Variants in OTOP3 observed in about 807,000 individuals in gnomAD.
OTOP3 encodes the protein proton channel OTOP3.
Under a neutral mutation model 50.8 loss-of-function variants are expected in OTOP3, and 41 were observed. That is an observed-to-expected ratio of 0.81 (90% CI 0.63 to 1.05). OTOP3 has a LOEUF of 1.05. OTOP3 is among the 50% of genes least tolerant of loss of function. The probability of loss-of-function intolerance (pLI) is 0.00; values close to 1 mark genes in which losing one functional copy is unlikely to be tolerated. For synonymous variants in OTOP3, 320 were observed against 324.4 expected (o/e 0.99, Z 0.14); for missense variants, 788 against 760.8 (o/e 1.04, Z -0.42).
intron 3 of OTOP3, 90 bp downstream of exon 3, chr17:74,942,127 C>G: frequency 1.4e-6 from 2 of 1,460,030 alleles, no homozygotes; most frequent in East Asian, 2.3e-5. Context: ...TGCCTAGGAA[C>G]AGCCACACAG....
chr17:74,942,557 G>A (rs1251633578), intron 3 of OTOP3, among the ~76,000 whole-genome samples: 1 of 150,696 alleles, frequency 6.6e-6, no homozygotes, highest in African/African-American at 2.4e-5. Context: ...CTTGAACCCA[G>A]GAGGCAGAGG....
intron 1 of OTOP3, among the ~76,000 whole-genome samples, chr17:74,938,500 G>A (rs1007626276): frequency 8.5e-5 from 13 of 152,288 alleles, no homozygotes; most frequent in African/African-American, 2.9e-4. Flanking sequence ...AGGGGCAAAA[G>A]GGGTAGGCAT....
At chr17:74,945,078 G>T (rs1421031880) in intron 5 of OTOP3, among the ~76,000 whole-genome samples, 1 of 152,050 alleles carries the variant, frequency 6.6e-6, no homozygotes, top group Non-Finnish European at 1.5e-5. Context: ...CTCCTGAGTA[G>T]CTGGGACTAC....
At chr17:74,936,012 C>A (rs1037879585) in intron 1 of OTOP3, 72 bp downstream of exon 1, 13 of 1,530,548 alleles carry the variant, frequency 8.5e-6, no homozygotes, top group Admixed American at 7.9e-5. Context: ...ACCCACCCCC[C>A]CAAAAGGGGG....
At position 74,943,759 on chromosome 17, in the gene OTOP3, A is replaced by AACACACAC. The variant is rs35254855; in HGVS notation, c.751+63_751+70dup. On this transcript the variant is annotated intron_variant, in intron 5 of 6. Transcript: ENST00000328801. ...GGAGACCAGGTCTTCCTTGCCCTGAAACACACACACACACACACACACACA... is the reference window on the plus strand; with the variant it reads ...GGAGACCAGGTCTTCCTTGCCCTGAAACACACACACACACACACACACACACACACACA... The AACACACAC allele has an allele frequency of 3.8e-4, 373 of 982,616 alleles. 1 individual carries two copies. Among genetic ancestry groups the AACACACAC allele is most frequent in the African/African-American group, 3.6e-3 (209 of 58,580 alleles). The allele number at this position is 982,616 out of a possible 1,614,324, so 60.9% of individuals were successfully genotyped here. A position where few individuals can be genotyped will look rare whatever the true frequency, so the allele number is the denominator to read the frequency against.
rs575880044 is a variant in OTOP3, at chr17:74,937,154, A to T, written c.19+1214A>T. Reference sequence around the variant, plus strand: ...ATTGTTTGGTATTTTTTGTAGAGACAGGGTTTTGCCATGTTCCCCAGGCTG... The same window carrying T: ...ATTGTTTGGTATTTTTTGTAGAGACTGGGTTTTGCCATGTTCCCCAGGCTG... On this transcript the variant is annotated intron_variant, in intron 1 of 6. Coordinates refer to ENST00000328801, the MANE Select transcript of OTOP3 (RefSeq NM_001272005.2). Among the ~76,000 whole-genome samples, 8 of 152,036 alleles carry T rather than the reference A, an allele frequency of 5.3e-5. 1 individual carries two copies. Among genetic ancestry groups the T allele is most frequent in the African/African-American group, 1.9e-4 (8 of 41,476 alleles).
rs1189579556 is a variant in OTOP3, at chr17:74,947,050, C to G, written c.1141C>G (p.Leu381Val). The change falls in exon 6 of 7, where the codon CTG becomes GTG. Residue 381 changes from leucine (L) to valine (V), a missense_variant. Transcript: ENST00000328801. Reference sequence around the variant, plus strand: ...CCTGGCGGGCACAGCCATACACGGGCTGGAGGAGAGAGAGCTGGACACGGT... The same window carrying G: ...CCTGGCGGGCACAGCCATACACGGGGTGGAGGAGAGAGAGCTGGACACGGT... ...ACLAGTAIHGLEERELDTVKN... is the reference protein window; with the variant it reads ...ACLAGTAIHGVEERELDTVKN... 6.2e-7 allele frequency: 1 copy of G among 1,614,082 alleles called. No individual in the cohort carries two copies. Among genetic ancestry groups the G allele is most frequent in the Non-Finnish European group, 8.5e-7 (1 of 1,180,048 alleles).
chr17:74,935,859 G>T (rs1448141202), upstream of OTOP3: 2 of 1,534,812 alleles, frequency 1.3e-6, no homozygotes, highest in Non-Finnish European at 1.8e-6. Flanking sequence ...GGCGTCGCGG[G>T]CATCGGTCTC....
chr17:74,942,978 T>C (rs1044101816), intron 3 of OTOP3, among the ~76,000 whole-genome samples: 1 of 152,160 alleles, frequency 6.6e-6, no homozygotes, highest in Admixed American at 6.5e-5. Flanking sequence ...TCCAGCTTCC[T>C]CTTAGGTTTC....
In OTOP3 at chr17:74,942,146, C is replaced by T. The variant is rs115765901; in HGVS notation, c.573+109C>T. On this transcript the variant is annotated intron_variant, in intron 3 of 6. Transcript: ENST00000328801. Reference sequence around the variant, plus strand: ...TAGGAACAGCCACACAGGCAAATACCTAATGTCCCAGGGTCTTTGCACACA... The same window carrying T: ...TAGGAACAGCCACACAGGCAAATACTTAATGTCCCAGGGTCTTTGCACACA... 2,085 of 1,374,350 alleles carry T rather than the reference C, an allele frequency of 1.5e-3. 35 individuals carry two copies. The African/African-American group carries it at 0.027, about 18-fold the overall frequency. 85.1% of individuals were successfully genotyped at this position (1,374,350 alleles called of 1,614,324 possible). A position where few individuals can be genotyped will look rare whatever the true frequency, so the allele number is the denominator to read the frequency against.
intron 5 of OTOP3, among the ~76,000 whole-genome samples, chr17:74,944,354 ACG>A (rs1393426609): frequency 6.6e-6 from 1 of 152,194 alleles, no homozygotes; most frequent in African/African-American, 2.4e-5. Context: ...TGCATCAGTC[ACG>A]ACACGCCTGT....
At position 74,949,722 on chromosome 17, in the gene OTOP3, C is replaced by T; in HGVS notation, c.*306C>T. 1 of 348,042 alleles carries T rather than the reference C, an allele frequency of 2.9e-6. No homozygotes were observed. The highest frequency in any genetic ancestry group is 5.3e-6 in the Non-Finnish European group (1 of 189,828). 21.6% of individuals were successfully genotyped at this position (348,042 alleles called of 1,614,324 possible). On this transcript the variant is annotated 3_prime_UTR_variant, in exon 7 of 7. Coordinates refer to ENST00000328801, the MANE Select transcript of OTOP3 (RefSeq NM_001272005.2). ...GCTGGCAGGGGCCCCCTCACGGCTA[C>T]TCTGTGGGAGGGTCAGACCTACATG...
At chr17:74,948,257 C>T (rs1405399843) in intron 6 of OTOP3, among the ~76,000 whole-genome samples, 3 of 152,146 alleles carry the variant, frequency 2.0e-5, no homozygotes, top group Admixed American at 6.5e-5. Flanking sequence ...GGCACAGTGG[C>T]TCACACCTGT....
Position 74,941,973 on chromosome 17 carries a change from T to G in OTOP3, c.509T>G (p.Ile170Ser). The G allele has an allele frequency of 6.2e-7, 1 of 1,613,730 alleles. No individual in the cohort carries two copies. Among genetic ancestry groups the G allele is most frequent in the Non-Finnish European group, 8.5e-7 (1 of 1,179,818 alleles). Residue 170 changes from isoleucine to serine, a missense_variant, in exon 3 of 7, where the codon ATC becomes AGC. Physicochemically the swap from Ile to Ser is moderately radical, Grantham distance 142. Coordinates refer to ENST00000328801, the MANE Select transcript of OTOP3 (RefSeq NM_001272005.2). ...IFRVGYDVSH[I>S]RCKSQLDLVF... ...CGAGTGGGCTACGATGTGAGCCACA[T>G]CCGCTGCAAGTCACAGCTGGACCTT...
rs761263942 is a variant in OTOP3 at position 74,941,465 on chromosome 17, G to T, written c.92G>T (p.Arg31Leu). ...GAAGCAGCCCCGGAGAAGGAGAACC[G>T]AGTGGATGTGGGGGCCGAGGAGAGA... Reference protein sequence around the residue: ...ETEAAPEKENRVDVGAEERAA... With the variant: ...ETEAAPEKENLVDVGAEERAA... Residue 31 changes from arginine (R) to leucine (L), a missense_variant, in exon 2 of 7, where the codon CGA becomes CTA. Transcript: ENST00000328801. The T allele has an allele frequency of 2.5e-6, 4 of 1,604,964 alleles. No homozygotes were observed. Among genetic ancestry groups the T allele is most frequent in the African/African-American group, 2.7e-5 (2 of 74,772 alleles).
rs1240886655 is a variant in OTOP3, at chr17:74,941,532, G to A, written c.159G>A (p.Arg53=). The A allele has an allele frequency of 1.2e-6, 2 of 1,613,900 alleles. No individual in the cohort carries two copies. The highest frequency in any genetic ancestry group is 2.2e-5 in the South Asian group (2 of 91,064). Reference sequence around the variant, plus strand: ...CCCGGCAGAAGTCCTGGCTGGTGAGGCATTTCTCTCTGCTGCTGCGGCGGG... The same window carrying A: ...CCCGGCAGAAGTCCTGGCTGGTGAGACATTTCTCTCTGCTGCTGCGGCGGG... ...TRPRQKSWLV[R]HFSLLLRRDR... Residue 53 remains arginine (R), a synonymous_variant, in exon 2 of 7, where the codon AGG becomes AGA. Coordinates refer to ENST00000328801, the MANE Select transcript of OTOP3 (RefSeq NM_001272005.2).
At chr17:74,945,828 C>A (rs2039220083) in intron 5 of OTOP3, among the ~76,000 whole-genome samples, 1 of 152,106 alleles carries the variant, frequency 6.6e-6, no homozygotes, top group Non-Finnish European at 1.5e-5. Flanking sequence ...ACTCTGTCAC[C>A]CAAAGTGGAA....
chr17:74,939,654 G>C (rs1342506425), intron 1 of OTOP3, among the ~76,000 whole-genome samples: 1 of 152,138 alleles, frequency 6.6e-6, no homozygotes, highest in Admixed American at 6.6e-5. Context: ...TGGGAGAGGT[G>C]AGGAAATGGC....
Position 74,946,809 on chromosome 17 carries a change from C to T in OTOP3, c.900C>T (p.His300=), listed in dbSNP as rs777402140. The T allele has an allele frequency of 1.2e-5, 19 of 1,611,768 alleles. No homozygotes were observed. Among genetic ancestry groups the T allele is most frequent in the South Asian group, 6.6e-5 (6 of 91,092 alleles). The change falls in exon 6 of 7, where the codon CAC becomes CAT. Residue 300 remains histidine, a synonymous_variant. Coordinates refer to ENST00000328801, the MANE Select transcript of OTOP3 (RefSeq NM_001272005.2). ...TCATGTGGAAGAACGTGGGCCGCCA[C>T]GTGGCACCCCACATGGGTGCCCACC... ...LFVMWKNVGR[H]VAPHMGAHPA...
Sources: gnomAD v4.1 joint callset for allele counts (sites outside exome capture counted in the v4.1 genomes callset) on GRCh38, gnomAD v4.1.1 for gene constraint, MANE v1.5 for transcripts, NCBI Gene and HGNC (gene_info 2026-07-23, HGNC 2026-07-21) for gene names.